PHKB: variants seen among roughly 807,000 people sequenced by gnomAD.
The protein encoded by PHKB is phosphorylase b kinase regulatory subunit beta.
In PHKB, 122 loss-of-function variants were observed where a neutral mutation model predicts 152.1. The ratio of observed to expected loss-of-function variants is 0.80; its 90% CI spans 0.69 to 0.93. The LOEUF is 0.93. Among genes scored for constraint, PHKB ranks in the 40% least tolerant of loss-of-function variants. The pLI, the probability that PHKB is intolerant of heterozygous loss-of-function variation, is 0.00. For missense variants in PHKB, 1,304 were observed against 1,328.4 expected (o/e 0.98, Z 0.29); for synonymous variants, 436 against 464.9 (o/e 0.94, Z 0.80).
At chr16:47,514,182 C>T (rs982486776) in intron 5 of PHKB, among the ~76,000 whole-genome samples, 2 of 143,094 alleles carry the variant, frequency 1.4e-5, no homozygotes, top group Non-Finnish European at 3.0e-5. Context: ...TCCAAAGGGA[C>T]AGAACTAATA....
chr16:47,515,381 C>T, intron 5 of PHKB, 140 bp from the exon 6 acceptor site: 1 of 641,020 alleles, frequency 1.6e-6, no homozygotes. Flanking sequence ...AAATTCACAA[C>T]ACCTTTATTC....
At chr16:47,630,795 G>A (rs144712490) in intron 14 of PHKB, among the ~76,000 whole-genome samples, 1 of 152,306 alleles carries the variant, frequency 6.6e-6, no homozygotes, top group African/African-American at 2.4e-5. Flanking sequence ...TAATGGGAAT[G>A]GGCCTCATCC....
chr16:47,477,732 C>T (rs539297636), intron 1 of PHKB, among the ~76,000 whole-genome samples: 1 of 152,314 alleles, frequency 6.6e-6, no homozygotes, highest in Admixed American at 6.5e-5. Flanking sequence ...GCTTTTACCC[C>T]TTGTATACAA....
At chr16:47,588,629 A>G (rs916810129) in intron 9 of PHKB, among the ~76,000 whole-genome samples, 21 of 152,162 alleles carry the variant, frequency 1.4e-4, no homozygotes, top group African/African-American at 5.1e-4. Context: ...TGAAAAACTA[A>G]GTTGTGACAA....
Position 47,698,466 on chromosome 16 carries a change from A to G in PHKB, c.3022A>G (p.Ile1008Val), listed in dbSNP as rs1281631237. ...IVVELLMVVS[I>V]VLERNPELEF... ...CTTCTAGTTACTTATGGTTGTATCC[A>G]TTGTACTGGAAAGAAACCCCGAGCT... The change falls in exon 30 of 31, where the codon ATT becomes GTT. Residue 1008 changes from isoleucine to valine, a missense_variant. Physicochemically the swap from Ile to Val is conservative, Grantham distance 29. Transcript: ENST00000323584. The G allele has an allele frequency of 3.7e-6, 6 of 1,610,856 alleles. No homozygotes were observed. Among genetic ancestry groups the G allele is most frequent in the Middle Eastern group, 1.6e-4 (1 of 6,066 alleles).
At chr16:47,677,929 C>A (rs1348019671) in intron 26 of PHKB, among the ~76,000 whole-genome samples, 1 of 129,936 alleles carries the variant, frequency 7.7e-6, no homozygotes, top group African/African-American at 2.9e-5. Context: ...CTCCCCCGAC[C>A]CCACAACAGT....
At chr16:47,646,569 T>TAAAAAAAAAA (rs1973130387) in intron 16 of PHKB, among the ~76,000 whole-genome samples, 1 of 104,796 alleles carries the variant, frequency 9.5e-6, no homozygotes. Context: ...AATAAAAAAA[T>TAAAAAAAAAA]AATAAAAAAA....
At position 47,701,075 on chromosome 16, in the gene PHKB, G is replaced by A. The variant is rs1007478681; in HGVS notation, c.*1709G>A. 8 of 152,112 alleles carry A rather than the reference G, an allele frequency of 5.3e-5. No homozygotes were observed. Among genetic ancestry groups the A allele is most frequent in the East Asian group, 3.9e-4 (2 of 5,174 alleles). The allele number at this position is 152,112 out of a possible 1,614,324, so 9.4% of individuals were successfully genotyped here. A position where few individuals can be genotyped will look rare whatever the true frequency, so the allele number is the denominator to read the frequency against. ...TAAGAGAGTTTATGAAAAGATAGTC[G>A]TGAAGGGTGAAGCTAATTTGTAAAA... On this transcript the variant is annotated 3_prime_UTR_variant, in exon 31 of 31. Coordinates refer to ENST00000323584, the MANE Select transcript of PHKB (RefSeq NM_000293.3).
chr16:47,615,648 G>T (rs968293212), intron 14 of PHKB, among the ~76,000 whole-genome samples: 3 of 152,020 alleles, frequency 2.0e-5, no homozygotes, highest in African/African-American at 7.2e-5. Context: ...TCACTGCATT[G>T]CCATTCTTCA....
chr16:47,581,004 G>T (rs1367185655), intron 8 of PHKB, among the ~76,000 whole-genome samples: 2 of 152,154 alleles, frequency 1.3e-5, no homozygotes, highest in Non-Finnish European at 2.9e-5. Flanking sequence ...TACTACTCTG[G>T]ATCAAGAAGT....
Position 47,515,610 on chromosome 16 carries a change from T to TC in PHKB, c.594+13dup. ...TCTACAACACTGATGAGGTATGCTT[T>TC]CCCCAAATTTTCTATTACTAAATTT... On this transcript the variant is annotated intron_variant, in intron 6 of 30. Coordinates refer to ENST00000323584, the MANE Select transcript of PHKB (RefSeq NM_000293.3). 8.5e-7 allele frequency: 1 copy of TC among 1,182,572 alleles called. No homozygotes were observed. The highest frequency in any genetic ancestry group is 1.3e-6 in the Non-Finnish European group (1 of 787,098). 73.3% of individuals were successfully genotyped at this position (1,182,572 alleles called of 1,614,324 possible).
intron 14 of PHKB, among the ~76,000 whole-genome samples, chr16:47,614,645 C>T (rs1298897324): frequency 6.6e-6 from 1 of 152,158 alleles, no homozygotes; most frequent in Admixed American, 6.5e-5. Context: ...TTACTTCTTC[C>T]ATTAGTTTCC....
chr16:47,693,361 T>C lies in PHKB; in HGVS notation c.2766-17T>C. The stretch of plus-strand genomic sequence containing the variant: ...AAGCTTGTTCTTCAACTCTGAGACA[T>C]TTGCCTTTTGTTACAGATGTTGGCT... On this transcript the variant is annotated splice_polypyrimidine_tract_variant and intron_variant, in intron 27 of 30. Coordinates refer to ENST00000323584, the MANE Select transcript of PHKB (RefSeq NM_000293.3). 6.2e-7 allele frequency: 1 copy of C among 1,613,776 alleles called. No homozygotes were observed. The highest frequency in any genetic ancestry group is 1.7e-4 in the Middle Eastern group (1 of 6,060).
intron 26 of PHKB, among the ~76,000 whole-genome samples, chr16:47,672,364 A>G (rs1414430517): frequency 6.6e-6 from 1 of 152,194 alleles, no homozygotes; most frequent in Non-Finnish European, 1.5e-5. Flanking sequence ...ACATGAGGAT[A>G]GAGAAATGGT....
intron 7 of PHKB, among the ~76,000 whole-genome samples, chr16:47,555,711 A>G (rs970272492): frequency 2.6e-5 from 4 of 152,232 alleles, no homozygotes; most frequent in African/African-American, 9.6e-5. Context: ...AGAAATTGCC[A>G]TTAAAATGTA....
rs543650651 is a variant in PHKB at position 47,556,152 on chromosome 16, C to T, written c.710+8604C>T. On this transcript the variant is annotated intron_variant, in intron 7 of 30. Coordinates refer to ENST00000323584, the MANE Select transcript of PHKB (RefSeq NM_000293.3). ...CTGAGACTTTGCTGAAGTTGCTTAT[C>T]AGCTTGAGATTTTGGGCTGAGACAA... 1.9e-3 allele frequency among the ~76,000 whole-genome samples: 294 copies of T among 152,256 alleles called. 1 individual carries two copies. Among genetic ancestry groups the T allele is most frequent in the African/African-American group, 6.7e-3 (278 of 41,550 alleles).
intron 14 of PHKB, among the ~76,000 whole-genome samples, chr16:47,617,247 ATATT>A (rs1205486573): frequency 2.0e-5 from 3 of 147,998 alleles, no homozygotes; most frequent in South Asian, 2.1e-4. Context: ...AAAATATATA[ATATT>A]TATATATAAT....
At chr16:47,478,286 A>G (rs1377220105) in intron 1 of PHKB, among the ~76,000 whole-genome samples, 1 of 152,178 alleles carries the variant, frequency 6.6e-6, no homozygotes, top group African/African-American at 2.4e-5. Flanking sequence ...TAGGTAAAGG[A>G]CAGATGCGTC....
intron 16 of PHKB, among the ~76,000 whole-genome samples, chr16:47,646,526 A>G (rs1973126745): frequency 7.0e-6 from 1 of 143,512 alleles, no homozygotes; most frequent in Non-Finnish European, 1.5e-5. Flanking sequence ...AACTTAGAGT[A>G]TAATAAAAAA....
Sources: gnomAD v4.1 joint callset for allele counts (sites outside exome capture counted in the v4.1 genomes callset) on GRCh38, gnomAD v4.1.1 for gene constraint, MANE v1.5 for transcripts, NCBI Gene and HGNC (gene_info 2026-07-23, HGNC 2026-07-21) for gene names.